Variants in ZPBP observed in about 807,000 individuals in gnomAD.
The protein encoded by ZPBP is zona pellucida-binding protein 1.
ZPBP carries 26 observed loss-of-function variants against 44.8 expected under a neutral mutation model. That is an observed-to-expected ratio of 0.58 (90% CI 0.43 to 0.81). The LOEUF is 0.81. ZPBP is among the 30% of genes least tolerant of loss of function. The pLI, the probability that ZPBP is intolerant of heterozygous loss-of-function variation, is 0.00. For synonymous variants in ZPBP, 174 were observed against 153.2 expected (o/e 1.14, Z -1.00); for missense variants, 409 against 434.0 (o/e 0.94, Z 0.51).
chr7:49,957,578 G>A (rs894061722), intron 7 of ZPBP, among the ~76,000 whole-genome samples: 1 of 152,206 alleles, frequency 6.6e-6, no homozygotes, highest in African/African-American at 2.4e-5. Context: ...AATCTTGGTG[G>A]TGTCCAAGTG....
intron 1 of ZPBP, among the ~76,000 whole-genome samples, chr7:49,911,539 G>C (rs886219131): frequency 6.8e-6 from 1 of 146,132 alleles, no homozygotes; most frequent in African/African-American, 2.5e-5. Flanking sequence ...AACAAAAGTA[G>C]AGTATTTCAT....
At chr7:49,975,183 C>T (rs1796452616) in intron 7 of ZPBP, among the ~76,000 whole-genome samples, 1 of 152,130 alleles carries the variant, frequency 6.6e-6, no homozygotes. Flanking sequence ...ATGGGAGCTC[C>T]TACCCTCCTC....
chr7:50,018,166 C>G, intron 6 of ZPBP, 74 bp downstream of exon 6: 2 of 1,082,622 alleles, frequency 1.8e-6, no homozygotes, highest in Non-Finnish European at 2.8e-6. Context: ...TTATAAATAG[C>G]TAGGATGCTT....
At chr7:49,952,821 T>C (rs549207803) in intron 7 of ZPBP, among the ~76,000 whole-genome samples, 1 of 152,022 alleles carries the variant, frequency 6.6e-6, no homozygotes, top group South Asian at 2.1e-4. Flanking sequence ...GTAGAATCAA[T>C]CTGCACGTGT....
intron 4 of ZPBP, among the ~76,000 whole-genome samples, chr7:50,036,055 T>C (rs1020535711): frequency 7.9e-5 from 12 of 152,212 alleles, no homozygotes; most frequent in East Asian, 7.7e-4. Context: ...ATTTGGTAAA[T>C]TGCATGAGAG....
At chr7:49,917,988 G>A (rs186798212) in intron 1 of ZPBP, 2 of 152,200 alleles carry the variant, frequency 1.3e-5, no homozygotes, top group Non-Finnish European at 2.9e-5. Flanking sequence ...AAAGTATCCA[G>A]TAAGTAATAT....
chr7:50,080,612 A>G (rs1012879752), intron 3 of ZPBP, among the ~76,000 whole-genome samples: 2 of 151,814 alleles, frequency 1.3e-5, no homozygotes, highest in African/African-American at 4.8e-5. Flanking sequence ...TTCAACTTGC[A>G]GAGTTTCAAT....
chr7:50,031,011 A>G, intron 5 of ZPBP, 81 bp downstream of exon 5: 1 of 1,186,204 alleles, frequency 8.4e-7, no homozygotes, highest in South Asian at 1.3e-5. Context: ...TATCATAAAA[A>G]TGCTGTGAGT....
chr7:50,058,266 G>C, intron 3 of ZPBP, 125 bp from the exon 4 acceptor site: 4 of 970,984 alleles, frequency 4.1e-6, no homozygotes, highest in Non-Finnish European at 6.4e-6. Context: ...GGGGGGCATA[G>C]CTAGGACATT....
chr7:50,079,107 T>C (rs1258097123), intron 3 of ZPBP, among the ~76,000 whole-genome samples: 1 of 151,642 alleles, frequency 6.6e-6, no homozygotes, highest in Non-Finnish European at 1.5e-5. Flanking sequence ...CAAACTACTT[T>C]ATGCATATAA....
At chr7:49,861,259 T>A (rs566626123) in intron 2 of ZPBP, among the ~76,000 whole-genome samples, 1 of 152,366 alleles carries the variant, frequency 6.6e-6, no homozygotes, top group East Asian at 1.9e-4. Flanking sequence ...TCCTAATGAT[T>A]AATGACATTG....
intron 6 of ZPBP, among the ~76,000 whole-genome samples, chr7:50,016,716 G>C (rs1258229422): frequency 1.3e-5 from 2 of 151,844 alleles, no homozygotes; most frequent in Non-Finnish European, 2.9e-5. Flanking sequence ...CCTAGCTCAG[G>C]GTCTGTGACT....
intron 1 of ZPBP, among the ~76,000 whole-genome samples, chr7:49,902,607 T>C (rs1178276919): frequency 6.6e-6 from 1 of 151,006 alleles, no homozygotes; most frequent in East Asian, 1.9e-4. Flanking sequence ...ATGAAAAATT[T>C]ATCTCAGAAT....
rs776265657 is a variant in ZPBP, at chr7:50,031,143, C to T, written c.655G>A (p.Val219Ile). 25 of 1,613,546 alleles carry T rather than the reference C, an allele frequency of 1.5e-5. No homozygotes were observed. The highest frequency in any genetic ancestry group is 5.0e-5 in the Admixed American group (3 of 59,966). The change falls in exon 5 of 8, where the codon GTT (valine) becomes ATT (isoleucine). Residue 219 changes from valine to isoleucine, a missense_variant. By Grantham distance (29) the Val-to-Ile change is conservative. Transcript: ENST00000046087. ...ISLLKSECHR[V>I]KMQRAGLQNE... ...TGCAAACCAGCTCTTTGCATTTTAACGCGATGGCATTCAGACTTAAGTAAG... is the reference window on the plus strand; with the variant it reads ...TGCAAACCAGCTCTTTGCATTTTAATGCGATGGCATTCAGACTTAAGTAAG...
At chr7:49,967,269 C>T (rs1796100336) in intron 7 of ZPBP, among the ~76,000 whole-genome samples, 2 of 152,126 alleles carry the variant, frequency 1.3e-5, no homozygotes, top group Admixed American at 6.5e-5. Flanking sequence ...ATAACTGACC[C>T]CTTTCTTTCT....
downstream of ZPBP, among the ~76,000 whole-genome samples, chr7:49,846,948 C>G (rs1165360452): frequency 6.6e-6 from 1 of 152,182 alleles, no homozygotes; most frequent in Non-Finnish European, 1.5e-5. Context: ...AGCAGTTTGA[C>G]AGATTGCATA....
intron 7 of ZPBP, among the ~76,000 whole-genome samples, chr7:49,982,819 A>G (rs1583978332): frequency 6.6e-6 from 1 of 152,004 alleles, no homozygotes; most frequent in African/African-American, 2.4e-5. Flanking sequence ...ATCTAAGTCA[A>G]CAGCCTCTAC....
rs150160462 is a variant in ZPBP, at chr7:50,035,947, C to T, written c.488-4637G>A. 1.5e-3 allele frequency among the ~76,000 whole-genome samples: 234 copies of T among 151,946 alleles called. 3 individuals are homozygous for T. Among genetic ancestry groups the T allele is most frequent in the African/African-American group, 5.1e-3 (213 of 41,480 alleles). On this transcript the variant is annotated intron_variant, in intron 4 of 7. Coordinates refer to ENST00000046087, the MANE Select transcript of ZPBP (RefSeq NM_007009.3). ...CTAATATATTGGAGAATGAAAATAT[C>T]GTCATTGAAATAAAAAGAAAAATCA...
intron 7 of ZPBP, among the ~76,000 whole-genome samples, chr7:49,939,779 C>A (rs1245353210): frequency 6.6e-6 from 1 of 152,120 alleles, no homozygotes; most frequent in Non-Finnish European, 1.5e-5. Context: ...AGAGATGCTT[C>A]AAATTTGAAA....
Sources: allele counts gnomAD v4.1 joint callset (sites outside exome capture counted in the v4.1 genomes callset), GRCh38; gene constraint gnomAD v4.1.1; transcripts MANE v1.5; gene names NCBI Gene and HGNC (gene_info 2026-07-23, HGNC 2026-07-21).